GPC6: variants seen among roughly 807,000 people sequenced by gnomAD.
GPC6 encodes glypican-6.
A neutral mutation model predicts 55.2 loss-of-function variants in GPC6; 14 were observed. That is an observed-to-expected ratio of 0.25 (90% CI 0.17 to 0.40). The LOEUF is 0.40. Ranked by LOEUF, GPC6 falls within the 10% of genes least tolerant of loss-of-function variation. The pLI, the probability that GPC6 is intolerant of heterozygous loss-of-function variation, is 1.00. For synonymous variants in GPC6, 278 were observed against 259.6 expected (o/e 1.07, Z -0.68); for missense variants, 641 against 708.5 (o/e 0.90, Z 1.08).
At position 93,721,364 on chromosome 13, in the gene GPC6, T is replaced by G. The variant is rs370948003; in HGVS notation, c.320-108790T>G. Among the ~76,000 whole-genome samples, 3 of 151,848 alleles carry G rather than the reference T, an allele frequency of 2.0e-5. No individual in the cohort carries two copies. In the East Asian group the frequency reaches 5.8e-4, roughly 30 times the overall value. Reference sequence around the variant, plus strand: ...AAAGTCTGAAAACAACTATTATTATTAAAAGGAACAACTTTATTTGCTTTT... The same window carrying G: ...AAAGTCTGAAAACAACTATTATTATGAAAAGGAACAACTTTATTTGCTTTT... On this transcript the variant is annotated intron_variant, in intron 2 of 8. Coordinates refer to ENST00000377047, the MANE Select transcript of GPC6 (RefSeq NM_005708.5).
intron 4 of GPC6, among the ~76,000 whole-genome samples, chr13:94,118,250 A>T (rs564672611): frequency 6.6e-6 from 1 of 152,146 alleles, no homozygotes; most frequent in South Asian, 2.1e-4. Flanking sequence ...ATAGTGAGTG[A>T]GTTCTCACAA....
chr13:94,148,629 T>C (rs1022090392), intron 4 of GPC6, among the ~76,000 whole-genome samples: 2 of 152,192 alleles, frequency 1.3e-5, no homozygotes, highest in Non-Finnish European at 2.9e-5. Flanking sequence ...TTACATGTTA[T>C]TTTGACATTC....
chr13:93,828,796 A>T (rs1026190367), intron 2 of GPC6, among the ~76,000 whole-genome samples: 1 of 152,186 alleles, frequency 6.6e-6, no homozygotes, highest in Non-Finnish European at 1.5e-5. Context: ...GAAAACAAAT[A>T]TAAAACATTT....
At chr13:93,964,633 T>C (rs1296086666) in intron 3 of GPC6, among the ~76,000 whole-genome samples, 1 of 152,202 alleles carries the variant, frequency 6.6e-6, no homozygotes. Flanking sequence ...GGGTAGTGCG[T>C]ATAGTAAAAT....
intron 3 of GPC6, among the ~76,000 whole-genome samples, chr13:93,923,496 A>AG (rs1874995173): frequency 6.6e-6 from 1 of 151,592 alleles, no homozygotes; most frequent in Non-Finnish European, 1.5e-5. Context: ...GCAAAAAAAA[A>AG]AAATTTAACT....
chr13:94,028,162 G>A (rs550127392), intron 4 of GPC6, among the ~76,000 whole-genome samples: 1 of 152,138 alleles, frequency 6.6e-6, no homozygotes, highest in East Asian at 1.9e-4. Context: ...CTGTTTAGGA[G>A]ACCGAGGTGA....
At chr13:93,326,401 T>C (rs1879654490) in intron 1 of GPC6, among the ~76,000 whole-genome samples, 1 of 151,996 alleles carries the variant, frequency 6.6e-6, no homozygotes, top group Non-Finnish European at 1.5e-5. Context: ...AGAAGTGTAG[T>C]TAAGAAGCTG....
At chr13:93,716,462 G>A (rs1418302336) in intron 2 of GPC6, among the ~76,000 whole-genome samples, 3 of 151,408 alleles carry the variant, frequency 2.0e-5, no homozygotes, top group African/African-American at 7.2e-5. Flanking sequence ...AGGGTAATCT[G>A]TGTGTTTGTG....
At chr13:93,352,442 T>A (rs147485095) in intron 1 of GPC6, among the ~76,000 whole-genome samples, 130 of 152,354 alleles carry the variant, frequency 8.5e-4, no homozygotes, top group Middle Eastern at 3.4e-3. Flanking sequence ...TTTCAAACAA[T>A]TGAAATTCTA....
chr13:94,120,879 A>G (rs1593954388), intron 4 of GPC6, among the ~76,000 whole-genome samples: 1 of 152,042 alleles, frequency 6.6e-6, no homozygotes. Flanking sequence ...AAGGAGTGCT[A>G]CCTCCCTTTC....
intron 1 of GPC6, among the ~76,000 whole-genome samples, chr13:93,282,650 AAC>A (rs1345769165): frequency 2.0e-5 from 3 of 152,144 alleles, no homozygotes; most frequent in African/African-American, 4.8e-5. Flanking sequence ...GTTATGCATA[AAC>A]ACAGTTTAAA....
At chr13:93,792,581 G>T (rs1001920545) in intron 2 of GPC6, among the ~76,000 whole-genome samples, 1 of 152,200 alleles carries the variant, frequency 6.6e-6, no homozygotes, top group Non-Finnish European at 1.5e-5. Flanking sequence ...AAAGTGCTGG[G>T]ATTACAGGCA....
At chr13:93,955,242 TGCACACACAC>T (rs2140377303) in intron 3 of GPC6, among the ~76,000 whole-genome samples, 1 of 99,086 alleles carries the variant, frequency 1.0e-5, no homozygotes, top group African/African-American at 4.7e-5. Flanking sequence ...TGAATGAACA[TGCACACACAC>T]ACACACACAC....
intron 2 of GPC6, among the ~76,000 whole-genome samples, chr13:93,604,928 T>G (rs1020792557): frequency 6.6e-6 from 1 of 152,096 alleles, no homozygotes; most frequent in Admixed American, 6.5e-5. Context: ...CTCAGTGAGG[T>G]TTTGTAAATT....
intron 2 of GPC6, among the ~76,000 whole-genome samples, chr13:93,689,452 C>A (rs1355809477): frequency 6.6e-6 from 1 of 151,988 alleles, no homozygotes; most frequent in Admixed American, 6.6e-5. Context: ...GTATCAAGCA[C>A]ATTAGGGGGG....
chr13:94,077,546 C>G (rs1421336275), intron 4 of GPC6, among the ~76,000 whole-genome samples: 1 of 151,638 alleles, frequency 6.6e-6, no homozygotes, highest in African/African-American at 2.4e-5. Context: ...TGCCTTGTTC[C>G]TGATCTCAGA....
chr13:93,666,790 T>C (rs1277036808), intron 2 of GPC6, among the ~76,000 whole-genome samples: 1 of 152,176 alleles, frequency 6.6e-6, no homozygotes, highest in African/African-American at 2.4e-5. Context: ...AATAGACATA[T>C]GATAAATCAT....
intron 2 of GPC6, among the ~76,000 whole-genome samples, chr13:93,805,861 G>A (rs1886528950): frequency 1.3e-5 from 2 of 151,972 alleles, no homozygotes; most frequent in South Asian, 2.1e-4. Context: ...TTAATTTATG[G>A]CTCCTTTTCT....
chr13:94,273,283 T>C (rs1892102213), intron 4 of GPC6, among the ~76,000 whole-genome samples: 1 of 152,140 alleles, frequency 6.6e-6, no homozygotes, highest in Admixed American at 6.5e-5. Flanking sequence ...CTCTCCATGC[T>C]GTCTCTCTGG....
Sources: allele counts gnomAD v4.1 joint callset (sites outside exome capture counted in the v4.1 genomes callset), GRCh38; gene constraint gnomAD v4.1.1; transcripts MANE v1.5; gene names NCBI Gene and HGNC (gene_info 2026-07-23, HGNC 2026-07-21).